Variants in BIRC6 observed in about 807,000 individuals in gnomAD.
BIRC6 encodes the protein baculoviral IAP repeat containing 6.
In BIRC6, 98 loss-of-function variants were observed where a neutral mutation model predicts 503.3. The ratio of observed to expected loss-of-function variants is 0.19; its 90% CI spans 0.17 to 0.23. BIRC6 has a LOEUF of 0.23. Ranked by LOEUF, BIRC6 falls within the 10% of genes least tolerant of loss-of-function variation. The pLI is 1.00. For synonymous variants in BIRC6, 2,240 were observed against 2,078.7 expected, an observed-to-expected ratio of 1.08 and a Z score of -2.11; for missense variants, 5,360 against 5,806.0, an observed-to-expected ratio of 0.92 and a Z score of 2.50.
chr2:32,518,468 T>TA, intron 56 of BIRC6, 71 bp downstream of exon 56: 1 of 1,467,436 alleles, frequency 6.8e-7, no homozygotes, highest in Non-Finnish European at 9.2e-7. Flanking sequence ...AGCCTGCAGT[T>TA]ACCTCCTATG....
At chr2:32,381,151 C>CT (rs1452106330) in intron 3 of BIRC6, among the ~76,000 whole-genome samples, 1 of 152,126 alleles carries the variant, frequency 6.6e-6, no homozygotes, top group African/African-American at 2.4e-5. Flanking sequence ...CTATAAGTAA[C>CT]TTGGGCATTT....
Position 32,435,579 on chromosome 2 carries a change from T to C in BIRC6, c.3493T>C (p.Ser1165Pro). 1 of 1,552,580 alleles carries C rather than the reference T, an allele frequency of 6.4e-7. No individual in the cohort carries two copies. Among genetic ancestry groups the C allele is most frequent in the Non-Finnish European group, 8.7e-7 (1 of 1,147,410 alleles). The change falls in exon 14 of 74, where the codon TCA becomes CCA. Residue 1165 changes from serine (S) to proline (P), a missense_variant. Coordinates refer to ENST00000421745, the MANE Select transcript of BIRC6 (RefSeq NM_016252.4). ...EEMQHMDVEE[S>P]QCLRLCPFLE... Reference sequence around the variant, plus strand: ...AATGCAGCACATGGATGTAGAGGAATCACAGTGTGAGTTAAATTATAGAGC... The same window carrying C: ...AATGCAGCACATGGATGTAGAGGAACCACAGTGTGAGTTAAATTATAGAGC...
At chr2:32,428,930 G>A (rs1476242280) in intron 10 of BIRC6, among the ~76,000 whole-genome samples, 2 of 151,866 alleles carry the variant, frequency 1.3e-5, no homozygotes, top group Non-Finnish European at 2.9e-5. Flanking sequence ...CTGTTTTCAT[G>A]TATGTTTATG....
chr2:32,532,159 G>GTGTGTGTGTGTGTGTGTA (rs760296844), intron 61 of BIRC6: 41 of 530,066 alleles, frequency 7.7e-5, no homozygotes, highest in Admixed American at 1.9e-4. Flanking sequence ...GTGTGTGTGT[G>GTGTGTGTGTGTGTGTGTA]TGTGTGTGTG....
chr2:32,401,750 T>G, intron 8 of BIRC6, 127 bp downstream of exon 8: 2 of 788,378 alleles, frequency 2.5e-6, no homozygotes, highest in Non-Finnish European at 3.8e-6. Context: ...AGAGAGTAAA[T>G]GTTTGGTTAG....
chr2:32,485,586 G>T, intron 39 of BIRC6, 57 bp from the exon 40 acceptor site: 1 of 1,140,276 alleles, frequency 8.8e-7, no homozygotes, highest in South Asian at 1.3e-5. Flanking sequence ...ATTGTAGGAG[G>T]TAGGACATGA....
intron 1 of BIRC6, among the ~76,000 whole-genome samples, chr2:32,374,306 C>T (rs1197217254): frequency 6.6e-6 from 1 of 151,874 alleles, no homozygotes. Context: ...CAGTACCACA[C>T]TTTCTTGTGG....
At chr2:32,519,454 A>C (rs1213752089) in intron 57 of BIRC6, among the ~76,000 whole-genome samples, 2 of 152,218 alleles carry the variant, frequency 1.3e-5, no homozygotes, top group Non-Finnish European at 2.9e-5. Context: ...TTTAAACAAC[A>C]TATGGGATAG....
At chr2:32,571,011 C>T (rs931007589) in intron 65 of BIRC6, among the ~76,000 whole-genome samples, 3 of 151,806 alleles carry the variant, frequency 2.0e-5, no homozygotes, top group Admixed American at 1.3e-4. Flanking sequence ...TTTTCTTGCT[C>T]TTTTGACCTT....
intron 65 of BIRC6, among the ~76,000 whole-genome samples, chr2:32,554,256 C>G (rs1280413847): frequency 1.3e-5 from 2 of 151,896 alleles, no homozygotes; most frequent in African/African-American, 4.8e-5. Flanking sequence ...AAATCTTTAC[C>G]TTTTTAATAG....
chr2:32,472,022 T>C (rs2049164851), intron 32 of BIRC6, among the ~76,000 whole-genome samples: 1 of 152,244 alleles, frequency 6.6e-6, no homozygotes, highest in Non-Finnish European at 1.5e-5. Context: ...ATTAGTTTAC[T>C]CAGTTGTAGG....
At chr2:32,595,839 T>C (rs1477602229) in intron 68 of BIRC6, among the ~76,000 whole-genome samples, 1 of 152,226 alleles carries the variant, frequency 6.6e-6, no homozygotes, top group Non-Finnish European at 1.5e-5. Context: ...CTTTCAGGTT[T>C]GCCATAAAGA....
chr2:32,590,742 A>C, intron 66 of BIRC6: 1 of 966,288 alleles, frequency 1.0e-6, no homozygotes, highest in Non-Finnish European at 1.2e-6. Context: ...AGCATAGTGG[A>C]AAATGTTTGC....
At chr2:32,549,544 C>T in intron 65 of BIRC6, 63 bp downstream of exon 65, 2 of 1,226,532 alleles carry the variant, frequency 1.6e-6, no homozygotes, top group Non-Finnish European at 2.1e-6. Context: ...TTATCATTGT[C>T]TAATAGTAAG....
intron 1 of BIRC6, among the ~76,000 whole-genome samples, chr2:32,374,130 C>G (rs1250228628): frequency 6.6e-6 from 1 of 152,020 alleles, no homozygotes; most frequent in African/African-American, 2.4e-5. Flanking sequence ...CATGAATATA[C>G]TCAATACCAC....
At chr2:32,553,722 G>A (rs540267306) in intron 65 of BIRC6, among the ~76,000 whole-genome samples, 6 of 152,168 alleles carry the variant, frequency 3.9e-5, no homozygotes, top group East Asian at 3.9e-4. Flanking sequence ...AAAAAAAAGC[G>A]TTTGGTGGCA....
chr2:32,431,100 A>G lies in BIRC6; in HGVS notation c.3248+10A>G. The stretch of plus-strand genomic sequence containing the variant: ...AACTACAGACCGACAGGTAAAAGAT[A>G]TTCCCAAGATAATTAATTTTAAGTC... On this transcript the variant is annotated intron_variant, in intron 12 of 73. Coordinates refer to ENST00000421745, the MANE Select transcript of BIRC6 (RefSeq NM_016252.4). The G allele has an allele frequency of 6.4e-7, 1 of 1,554,958 alleles. No homozygotes were observed. The highest frequency in any genetic ancestry group is 8.8e-7 in the Non-Finnish European group (1 of 1,136,394).
At chr2:32,368,189 TTTC>T (rs552409972) in intron 1 of BIRC6, among the ~76,000 whole-genome samples, 26 of 152,214 alleles carry the variant, frequency 1.7e-4, no homozygotes, top group South Asian at 6.2e-4. Flanking sequence ...CTGTTTTTTT[TTTC>T]TTCTTCTTCT....
intron 10 of BIRC6, among the ~76,000 whole-genome samples, chr2:32,423,571 T>G (rs1252196983): frequency 6.6e-6 from 1 of 152,214 alleles, no homozygotes; most frequent in Non-Finnish European, 1.5e-5. Flanking sequence ...TGTGTCTGGT[T>G]TCTTTCACTC....
Sources: allele counts gnomAD v4.1 joint callset (sites outside exome capture counted in the v4.1 genomes callset), GRCh38; gene constraint gnomAD v4.1.1; transcripts MANE v1.5; gene names NCBI Gene and HGNC (gene_info 2026-07-23, HGNC 2026-07-21).